The following LMF1 variants were observed in gnomAD, a reference collection of about 807,000 sequenced individuals.
LMF1 encodes the protein lipase maturation factor 1.
In LMF1, 68 loss-of-function variants were observed where a neutral mutation model predicts 60.6. The observed-to-expected ratio is 1.12, with a 90% CI of 0.92 to 1.37. The LOEUF (loss-of-function observed/expected upper bound fraction) is 1.37, where lower values mean the gene tolerates loss of function less well. LMF1 is among the 40% of genes most tolerant of loss of function. The pLI, the probability that LMF1 is intolerant of heterozygous loss-of-function variation, is 0.00. For missense variants in LMF1, 948 were observed against 767.2 expected, an observed-to-expected ratio of 1.24 and a Z score of -2.78; for synonymous variants, 418 against 324.7, an observed-to-expected ratio of 1.29 and a Z score of -3.09.
intron 10 of LMF1, among the ~76,000 whole-genome samples, chr16:860,404 A>G (rs2069425550): frequency 6.8e-6 from 1 of 148,088 alleles, no homozygotes; most frequent in Admixed American, 6.8e-5. Context: ...TGGTGGTGTG[A>G]TCTCGGCTCA....
At chr16:977,821 CCA>C (rs750130083) in intron 1 of LMF1, among the ~76,000 whole-genome samples, 272 of 150,586 alleles carry the variant, frequency 1.8e-3, no homozygotes, top group Non-Finnish European at 2.8e-3. Flanking sequence ...CCAACACACA[CCA>C]CACACACACA....
chr16:944,120 G>A (rs1239355584), intron 2 of LMF1, among the ~76,000 whole-genome samples: 1 of 152,044 alleles, frequency 6.6e-6, no homozygotes, highest in African/African-American at 2.4e-5. Flanking sequence ...GGCCTTTCTG[G>A]GGGCATGCGC....
In LMF1 at chr16:871,209, G is replaced by C; in HGVS notation, c.1030C>G (p.Leu344Val). The change falls in exon 7 of 11, where the codon CTG (leucine) becomes GTG (valine). Residue 344 changes from leucine (L) to valine (V), a missense_variant. Physicochemically the swap from Leu to Val is conservative, Grantham distance 32 (BLOSUM62 1). Coordinates refer to ENST00000262301, the MANE Select transcript of LMF1 (RefSeq NM_022773.4). ...CCTCGGATGTCCCTCTGCATCTGCA[G>C]AACTCGGTCCTTCAGGCTGCCTGGC... Reference protein sequence around the residue: ...SGPGSLKDRVLQMQRDIRGAR... With the variant: ...SGPGSLKDRVVQMQRDIRGAR... The C allele has an allele frequency of 6.2e-7, 1 of 1,611,186 alleles. No individual in the cohort carries two copies. The highest frequency in any genetic ancestry group is 8.5e-7 in the Non-Finnish European group (1 of 1,179,348).
At chr16:872,014 T>G (rs2069810727) in intron 6 of LMF1, 1 of 152,372 alleles carries the variant, frequency 6.6e-6, no homozygotes, top group East Asian at 1.9e-4. Context: ...GACCCGCTTC[T>G]GGACATCCCC....
At chr16:933,734 C>T (rs1567268762) in intron 3 of LMF1, 1 of 329,240 alleles carries the variant, frequency 3.0e-6, no homozygotes, top group Non-Finnish European at 5.9e-6. Context: ...AGGTCACATC[C>T]ACCGTCCTCC....
At position 854,650 on chromosome 16, in the gene LMF1, G is replaced by A; in HGVS notation, c.1586C>T (p.Ala529Val). 1 of 1,606,028 alleles carries A rather than the reference G, an allele frequency of 6.2e-7. No homozygotes were observed. The highest frequency in any genetic ancestry group is 8.5e-7 in the Non-Finnish European group (1 of 1,178,374). Reference protein sequence around the residue: ...YKFSRPGGRHAAEGKWWVRKR... With the variant: ...YKFSRPGGRHVAEGKWWVRKR... Reference sequence around the variant, plus strand: ...CCGCACCCACCACTTGCCCTCGGCGGCGTGCCTGCCCCCAGGACGGCTGAA... The same window carrying A: ...CCGCACCCACCACTTGCCCTCGGCGACGTGCCTGCCCCCAGGACGGCTGAA... Residue 529 changes from alanine to valine, a missense_variant, in exon 11 of 11, where the codon GCC becomes GTC. Transcript: ENST00000262301.
chr16:886,404 C>T (rs1040388465), intron 5 of LMF1, among the ~76,000 whole-genome samples: 1 of 152,144 alleles, frequency 6.6e-6, no homozygotes, highest in African/African-American at 2.4e-5. Context: ...TCGGTGTCTC[C>T]TCAGGCCTGC....
chr16:926,033 C>T (rs963142166), intron 3 of LMF1, among the ~76,000 whole-genome samples: 1 of 148,062 alleles, frequency 6.8e-6, no homozygotes, highest in African/African-American at 2.5e-5. Flanking sequence ...GGTCTGCATA[C>T]CTGTGTGCGC....
intron 3 of LMF1, among the ~76,000 whole-genome samples, chr16:922,977 G>A (rs2071483390): frequency 1.7e-5 from 2 of 117,706 alleles, no homozygotes; most frequent in African/African-American, 4.0e-5. Flanking sequence ...TGTGAAGGTC[G>A]CCTGGGTTTT....
chr16:858,679 G>T (rs2069298477), intron 10 of LMF1, among the ~76,000 whole-genome samples: 1 of 99,628 alleles, frequency 1.0e-5, no homozygotes. Flanking sequence ...CACGGGACGG[G>T]TGTGAGTGGT....
chr16:911,206 C>T, intron 3 of LMF1, 127 bp from the exon 4 acceptor site: 1 of 1,070,260 alleles, frequency 9.3e-7, no homozygotes, highest in Non-Finnish European at 1.4e-6. Flanking sequence ...CTGAGAGACA[C>T]CAGCCCGCAC....
chr16:860,978 G>C (rs534847395), intron 10 of LMF1, among the ~76,000 whole-genome samples: 1 of 151,596 alleles, frequency 6.6e-6, no homozygotes, highest in Non-Finnish European at 1.5e-5. Flanking sequence ...TAGAAAACTT[G>C]GGATGACTTG....
intron 1 of LMF1, among the ~76,000 whole-genome samples, chr16:955,628 C>T (rs969619914): frequency 7.2e-5 from 11 of 152,252 alleles, no homozygotes; most frequent in Non-Finnish European, 1.0e-4. Context: ...TCCACGCATA[C>T]GCATAGAAGC....
intron 2 of LMF1, among the ~76,000 whole-genome samples, chr16:939,714 G>A (rs183715150): frequency 6.6e-6 from 1 of 152,374 alleles, no homozygotes; most frequent in Non-Finnish European, 1.5e-5. Flanking sequence ...AGATACTTGT[G>A]ATTTGACGGG....
chr16:870,986 C>T, intron 7 of LMF1, 104 bp from the exon 8 acceptor site: 1 of 1,456,322 alleles, frequency 6.9e-7, no homozygotes, highest in Non-Finnish European at 9.1e-7. Context: ...TGTCCTGGGT[C>T]CCGGGGACGG....
chr16:875,038 G>A (rs1418271697), intron 6 of LMF1, among the ~76,000 whole-genome samples: 1 of 152,202 alleles, frequency 6.6e-6, no homozygotes, highest in Non-Finnish European at 1.5e-5. Context: ...GGGGACGCCA[G>A]GCCACGCCGC....
Position 870,896 on chromosome 16 carries a change from G to A in LMF1, c.1079-14C>T. ...GCACCACGGAGCCTGGCAGGGGAGTGACATCTTCCAGGTGGGGCTCCCAGC... is the reference window on the plus strand; with the variant it reads ...GCACCACGGAGCCTGGCAGGGGAGTAACATCTTCCAGGTGGGGCTCCCAGC... On this transcript the variant is annotated splice_polypyrimidine_tract_variant and intron_variant, in intron 7 of 10. Transcript: ENST00000262301. 6.3e-7 allele frequency: 1 copy of A among 1,596,822 alleles called. No homozygotes were observed. The highest frequency in any genetic ancestry group is 1.7e-4 in the Middle Eastern group (1 of 6,022).
At chr16:942,436 G>A (rs1045332463) in intron 2 of LMF1, among the ~76,000 whole-genome samples, 4 of 152,144 alleles carry the variant, frequency 2.6e-5, no homozygotes, top group Admixed American at 6.5e-5. Flanking sequence ...ATATCATTCA[G>A]CTATTATTTC....
intron 3 of LMF1, among the ~76,000 whole-genome samples, chr16:914,241 A>G (rs1396498371): frequency 6.6e-6 from 1 of 152,032 alleles, no homozygotes; most frequent in Non-Finnish European, 1.5e-5. Context: ...GGAGGGGAGC[A>G]AACGTCTCCA....
Sources: gnomAD v4.1 joint callset for allele counts (sites outside exome capture counted in the v4.1 genomes callset) on GRCh38, gnomAD v4.1.1 for gene constraint, MANE v1.5 for transcripts, NCBI Gene and HGNC (gene_info 2026-07-23, HGNC 2026-07-21) for gene names.